Variants in ADGRV1 observed in about 807,000 individuals in gnomAD.
The protein encoded by ADGRV1 is adhesion G protein-coupled receptor V1.
ADGRV1 carries 359 observed loss-of-function variants against 596.2 expected under a neutral mutation model. The observed-to-expected ratio is 0.60, with a 90% CI of 0.55 to 0.66. The LOEUF is 0.66. Among genes scored for constraint, ADGRV1 ranks in the 30% least tolerant of loss-of-function variants. ADGRV1 has a pLI of 0.00. For synonymous variants in ADGRV1, 2,681 were observed against 2,679.2 expected (o/e 1.00, Z -0.02); for missense variants, 7,274 against 7,575.6 (o/e 0.96, Z 1.48).
intron 85 of ADGRV1, among the ~76,000 whole-genome samples, chr5:91,061,737 G>T (rs936414621): frequency 1.3e-5 from 2 of 152,074 alleles, no homozygotes; most frequent in African/African-American, 4.8e-5. Flanking sequence ...TGGTCCTTTG[G>T]CATTTTTTGA....
At chr5:90,763,258 T>C in intron 58 of ADGRV1, 47 bp from the exon 59 acceptor site, 4 of 1,369,464 alleles carry the variant, frequency 2.9e-6, no homozygotes, top group South Asian at 1.9e-5. Flanking sequence ...TATCCTGCTC[T>C]TTTTGTTTTT....
intron 84 of ADGRV1, among the ~76,000 whole-genome samples, chr5:90,972,500 G>A (rs939309518): frequency 3.9e-5 from 6 of 152,202 alleles, no homozygotes; most frequent in South Asian, 4.2e-4. Context: ...ATAATAAACT[G>A]TCTCTCAGAC....
chr5:90,962,021 A>G (rs938767781), intron 83 of ADGRV1, among the ~76,000 whole-genome samples: 2 of 152,214 alleles, frequency 1.3e-5, no homozygotes, highest in African/African-American at 2.4e-5. Flanking sequence ...CTTTGTAGGC[A>G]GTAGCATGGT....
chr5:90,573,449 T>C (rs985037152), intron 1 of ADGRV1, among the ~76,000 whole-genome samples: 1 of 152,198 alleles, frequency 6.6e-6, no homozygotes, highest in Non-Finnish European at 1.5e-5. Flanking sequence ...GTATATCCTA[T>C]GGCTCCTAGG....
At chr5:90,780,479 A>AT (rs1758721141) in intron 64 of ADGRV1, among the ~76,000 whole-genome samples, 1 of 152,130 alleles carries the variant, frequency 6.6e-6, no homozygotes, top group African/African-American at 2.4e-5. Context: ...GTTTATCGGC[A>AT]TTTTTTAGCA....
At chr5:90,649,179 T>G (rs922629395) in intron 17 of ADGRV1, among the ~76,000 whole-genome samples, 2 of 151,968 alleles carry the variant, frequency 1.3e-5, no homozygotes, top group African/African-American at 4.8e-5. Context: ...AATTTTTTTA[T>G]TTTTAGTAGA....
intron 34 of ADGRV1, among the ~76,000 whole-genome samples, chr5:90,701,065 A>G (rs942939484): frequency 6.6e-6 from 1 of 152,114 alleles, no homozygotes; most frequent in Non-Finnish European, 1.5e-5. Flanking sequence ...GATCTGCTTT[A>G]GAGTTGAAAT....
chr5:90,656,789 A>T (rs147889924), intron 20 of ADGRV1, among the ~76,000 whole-genome samples: 455 of 152,234 alleles, frequency 3.0e-3, no homozygotes, highest in African/African-American at 0.01. Flanking sequence ...TTGCCTAAAG[A>T]TCTTACATAA....
At chr5:91,060,149 A>G (rs1238450312) in intron 85 of ADGRV1, among the ~76,000 whole-genome samples, 1 of 151,912 alleles carries the variant, frequency 6.6e-6, no homozygotes, top group Non-Finnish European at 1.5e-5. Flanking sequence ...AACCTCATCT[A>G]CTCACACTGT....
At chr5:90,997,353 A>G (rs1157274944) in intron 85 of ADGRV1, among the ~76,000 whole-genome samples, 2 of 148,736 alleles carry the variant, frequency 1.3e-5, no homozygotes, top group African/African-American at 5.0e-5. Flanking sequence ...GTTTGCAAGT[A>G]TGTAGCTTCT....
At position 90,962,210 on chromosome 5, in the gene ADGRV1, A is replaced by G. The variant is rs547757786; in HGVS notation, c.17857-3205A>G. ...CACATCATTAATATGTGAGTTATAC[A>G]CAAAAGAACGAGGGAAAACATGTAG... On this transcript the variant is annotated intron_variant, in intron 83 of 89. Transcript: ENST00000405460. Among the ~76,000 whole-genome samples, 5 of 152,346 alleles carry G rather than the reference A, an allele frequency of 3.3e-5. No homozygotes were observed. In the South Asian group the frequency reaches 6.2e-4, roughly 19 times the overall value.
At chr5:91,041,951 T>G (rs1342655108) in intron 85 of ADGRV1, among the ~76,000 whole-genome samples, 3 of 152,178 alleles carry the variant, frequency 2.0e-5, no homozygotes, top group African/African-American at 7.2e-5. Flanking sequence ...TGAGGAGAAC[T>G]TAGGGGATGT....
chr5:90,795,667 T>C (rs1246027917), intron 70 of ADGRV1, among the ~76,000 whole-genome samples: 1 of 152,180 alleles, frequency 6.6e-6, no homozygotes, highest in East Asian at 1.9e-4. Flanking sequence ...GACTGCCTCC[T>C]CAAGTGGATC....
chr5:90,938,840 C>G (rs1775934796), intron 83 of ADGRV1, among the ~76,000 whole-genome samples: 1 of 152,104 alleles, frequency 6.6e-6, no homozygotes, highest in Admixed American at 6.6e-5. Context: ...AGTGATGATT[C>G]TAGGATCTGC....
At position 90,923,682 on chromosome 5, in the gene ADGRV1, A is replaced by G. The variant is rs563037213; in HGVS notation, c.17857-41733A>G. ...TTTAGGGTACATGTGCACATCGTGCAGGTTAGTTACATATGTATACATGTG... is the reference window on the plus strand; with the variant it reads ...TTTAGGGTACATGTGCACATCGTGCGGGTTAGTTACATATGTATACATGTG... On this transcript the variant is annotated intron_variant, in intron 83 of 89. Coordinates refer to ENST00000405460, the MANE Select transcript of ADGRV1 (RefSeq NM_032119.4). Among the ~76,000 whole-genome samples, 3 of 152,210 alleles carry G rather than the reference A, an allele frequency of 2.0e-5. No homozygotes were observed. In the South Asian group the frequency reaches 6.2e-4, roughly 32 times the overall value.
At position 90,683,705 on chromosome 5, in the gene ADGRV1, C is replaced by T. The variant is rs199605700; in HGVS notation, c.5784C>T (p.Ser1928=). 26 of 1,613,742 alleles carry T rather than the reference C, an allele frequency of 1.6e-5. No individual in the cohort carries two copies. In the Admixed American group the frequency reaches 2.0e-4, roughly 12 times the overall value. The part of the protein sequence containing the change: ...GNITFEIGQT[S]ANITVEILPD... ...TCACATTTGAGATTGGGCAGACGAG[C>T]GCCAATATCACTGTGGAGATATTGC... Residue 1928 remains serine, a synonymous_variant, in exon 28 of 90, where the codon AGC becomes AGT. Transcript: ENST00000405460.
At chr5:90,751,422 G>T (rs375767061) in intron 53 of ADGRV1, among the ~76,000 whole-genome samples, 19 of 152,266 alleles carry the variant, frequency 1.2e-4, no homozygotes, top group African/African-American at 4.3e-4. Context: ...CCAATGAGGA[G>T]CACAGAACCT....
chr5:90,805,494 A>G (rs1761819343), intron 72 of ADGRV1, 36 bp downstream of exon 72: 1 of 1,495,442 alleles, frequency 6.7e-7, no homozygotes, highest in African/African-American at 1.4e-5. Flanking sequence ...GTCCTGTAGA[A>G]TATTGGAAGG....
At chr5:90,850,532 T>C (rs986453376) in intron 79 of ADGRV1, among the ~76,000 whole-genome samples, 1 of 152,240 alleles carries the variant, frequency 6.6e-6, no homozygotes, top group African/African-American at 2.4e-5. Flanking sequence ...GGCCACAGTA[T>C]GCATTTGTGT....
Sources: allele counts gnomAD v4.1 joint callset (sites outside exome capture counted in the v4.1 genomes callset), GRCh38; gene constraint gnomAD v4.1.1; transcripts MANE v1.5; gene names NCBI Gene and HGNC (gene_info 2026-07-23, HGNC 2026-07-21).